AGAP1: variants seen among roughly 807,000 people sequenced by gnomAD.
The protein encoded by AGAP1 is ArfGAP with GTPase domain, ankyrin repeat and PH domain 1, also known as arf-GAP with GTPase, ANK repeat and PH domain-containing protein 1.
A neutral mutation model predicts 105.3 loss-of-function variants in AGAP1; 29 were observed. That is an observed-to-expected ratio of 0.28 (90% CI 0.21 to 0.38). The LOEUF (loss-of-function observed/expected upper bound fraction) is 0.38, where lower values mean the gene tolerates loss of function less well. AGAP1 is among the 10% of genes least tolerant of loss of function. AGAP1 has a pLI of 1.00. For missense variants in AGAP1, 998 were observed against 1,165.1 expected, an observed-to-expected ratio of 0.86 and a Z score of 2.09; for synonymous variants, 509 against 485.9, an observed-to-expected ratio of 1.05 and a Z score of -0.63.
rs1354864085 is a variant in AGAP1 at position 236,078,541 on chromosome 2, C to G, written c.2114+29260C>G. Among the ~76,000 whole-genome samples the G allele has an allele frequency of 6.6e-6, 1 of 152,186 alleles. No homozygotes were observed. Among genetic ancestry groups the G allele is most frequent in the East Asian group, 1.9e-4 (1 of 5,190 alleles). On this transcript the variant is annotated intron_variant, in intron 16 of 17. Transcript: ENST00000304032. This position sits in a 1 kb window ranked among gnomAD's most constrained non-coding sequence, Gnocchi z 5.3. ...CCTTCCCAGCAAAAGCCGCACGCTGCTTCTCCCAGAGGGGTGGGGTGCATT... is the reference window on the plus strand; with the variant it reads ...CCTTCCCAGCAAAAGCCGCACGCTGGTTCTCCCAGAGGGGTGGGGTGCATT...
intron 13 of AGAP1, among the ~76,000 whole-genome samples, chr2:236,004,863 A>G (rs79329082): frequency 0.011 from 1,672 of 152,286 alleles, 29 homozygotes; most frequent in African/African-American, 0.037. Context: ...TGACGAGATA[A>G]TAGTTTTCTC....
chr2:235,798,242 G>A (rs996063946), intron 7 of AGAP1, among the ~76,000 whole-genome samples: 3 of 152,038 alleles, frequency 2.0e-5, no homozygotes, highest in African/African-American at 4.8e-5. Context: ...GGCCAATCTC[G>A]CTTTATACTT....
intron 12 of AGAP1, among the ~76,000 whole-genome samples, chr2:235,935,020 TC>T (rs2052921159): frequency 6.6e-6 from 1 of 152,094 alleles, no homozygotes; most frequent in Non-Finnish European, 1.5e-5. Context: ...TTAGATAGAT[TC>T]CTTTGTAGGG....
intron 16 of AGAP1, among the ~76,000 whole-genome samples, chr2:236,102,610 GAAAGA>G (rs2059384716): frequency 1.3e-5 from 2 of 150,486 alleles, no homozygotes; most frequent in Non-Finnish European, 3.0e-5. Flanking sequence ...AAGAAAGAAA[GAAAGA>G]AAACTTCCTT....
At position 235,501,951 on chromosome 2, in the gene AGAP1, C is replaced by T. The variant is rs551420869; in HGVS notation, c.163+7102C>T. On this transcript the variant is annotated intron_variant, in intron 1 of 17. Coordinates refer to ENST00000304032, the MANE Select transcript of AGAP1 (RefSeq NM_001037131.3). ...ACCTTTCTCCGAGAAACAAAATGCA[C>T]TCTACAGATGTTAATCTCTAATCTT... Among the ~76,000 whole-genome samples, 14 of 152,304 alleles carry T rather than the reference C, an allele frequency of 9.2e-5. No homozygotes were observed. The East Asian group carries it at 2.7e-3, about 29-fold the overall frequency.
chr2:235,702,448 G>A (rs1269965914), intron 1 of AGAP1, among the ~76,000 whole-genome samples: 1 of 152,200 alleles, frequency 6.6e-6, no homozygotes, highest in African/African-American at 2.4e-5. Flanking sequence ...TGCAGCCTGG[G>A]AAGGTGGGGC....
At chr2:235,913,605 G>A (rs2051728459) in intron 11 of AGAP1, among the ~76,000 whole-genome samples, 1 of 152,090 alleles carries the variant, frequency 6.6e-6, no homozygotes, top group Non-Finnish European at 1.5e-5. Flanking sequence ...TTAGATGTAT[G>A]ACTCCGTTTG....
rs191597678 is a variant in AGAP1 at position 235,745,964 on chromosome 2, A to G, written c.538+1125A>G. Among the ~76,000 whole-genome samples the G allele has an allele frequency of 2.4e-3, 358 of 152,260 alleles. 1 individual carries two copies. Among genetic ancestry groups the G allele is most frequent in the African/African-American group, 8.1e-3 (338 of 41,572 alleles). ...CACATGGTGAAACCCTGTCTGTACTAAAAATAGAAAAATTAGCCAGGCATG... is the reference window on the plus strand; with the variant it reads ...CACATGGTGAAACCCTGTCTGTACTGAAAATAGAAAAATTAGCCAGGCATG... On this transcript the variant is annotated intron_variant, in intron 5 of 17. Transcript: ENST00000304032.
Position 235,981,307 on chromosome 2 carries a change from T to C in AGAP1, c.1645+12684T>C, listed in dbSNP as rs534990514. Among the ~76,000 whole-genome samples the C allele has an allele frequency of 1.0e-3, 153 of 152,280 alleles. 3 individuals are homozygous for C. The South Asian group carries it at 0.03, about 30-fold the overall frequency. ...CTTTGTTCTTTGGCTTGATTATTCA[T>C]TTGGGTCTTTCTTGCTTTCTTCAGG... is the stretch of plus-strand genomic sequence containing the variant. On this transcript the variant is annotated intron_variant, in intron 13 of 17. Coordinates refer to ENST00000304032, the MANE Select transcript of AGAP1 (RefSeq NM_001037131.3). The surrounding 1 kb of genome is among the most constrained non-coding windows in gnomAD (Gnocchi z 5.5).
intron 1 of AGAP1, among the ~76,000 whole-genome samples, chr2:235,604,071 C>T (rs537506548): frequency 1.5e-5 from 2 of 137,546 alleles, no homozygotes; most frequent in African/African-American, 5.8e-5. Flanking sequence ...AGTTTATTTG[C>T]TCATTTTTTT....
At chr2:235,987,882 A>G (rs1156420381) in intron 13 of AGAP1, among the ~76,000 whole-genome samples, 1 of 152,178 alleles carries the variant, frequency 6.6e-6, no homozygotes, top group Non-Finnish European at 1.5e-5. Context: ...CATGCGTAAT[A>G]CGGAATTAAA....
In AGAP1 at chr2:235,702,110, C is replaced by T. The variant is rs190367153; in HGVS notation, c.164-7069C>T. Among the ~76,000 whole-genome samples, 288 of 152,014 alleles carry T rather than the reference C, an allele frequency of 1.9e-3. 3 individuals carry two copies. Among genetic ancestry groups the T allele is most frequent in the African/African-American group, 6.7e-3 (277 of 41,436 alleles). On this transcript the variant is annotated intron_variant, in intron 1 of 17. Coordinates refer to ENST00000304032, the MANE Select transcript of AGAP1 (RefSeq NM_001037131.3). The stretch of plus-strand genomic sequence containing the variant: ...AATTTCACGAGTTTTGTCTGGAATG[C>T]GTATTTGTGGTTCCTGGAGCCAAAC...
rs968389904 is a variant in AGAP1 at position 235,692,163 on chromosome 2, C to T, written c.164-17016C>T. ...TGCGTTATGTATCCATAAGCCAAAG[C>T]CGGGGGCTCCCTGGCAGATGCCCCT... On this transcript the variant is annotated intron_variant, in intron 1 of 17. Transcript: ENST00000304032. The surrounding 1 kb of genome is among the most constrained non-coding windows in gnomAD (Gnocchi z 5.8). Among the ~76,000 whole-genome samples the T allele has an allele frequency of 6.6e-6, 1 of 152,142 alleles. No homozygotes were observed. The highest frequency in any genetic ancestry group is 2.4e-5 in the African/African-American group (1 of 41,414).
chr2:235,496,828 T>G (rs957477999), intron 1 of AGAP1, among the ~76,000 whole-genome samples: 6 of 152,132 alleles, frequency 3.9e-5, no homozygotes, highest in African/African-American at 9.6e-5. Flanking sequence ...ACCTTTGCGA[T>G]TTGAGATTTT....
intron 6 of AGAP1, chr2:235,775,735 C>CTTTACT (rs1236788337): frequency 6.6e-6 from 1 of 152,140 alleles, no homozygotes; most frequent in Non-Finnish European, 1.5e-5. Flanking sequence ...ATGGAAGAGC[C>CTTTACT]TTTACTTTGT....
chr2:235,934,810 T>C lies in AGAP1; in HGVS notation c.1483+3887T>C, dbSNP rs777986665. On this transcript the variant is annotated intron_variant, in intron 12 of 17. Transcript: ENST00000304032. The surrounding 1 kb of genome is among the most constrained non-coding windows in gnomAD (Gnocchi z 4.9). The stretch of plus-strand genomic sequence containing the variant: ...AGCTTTGGAATACAGACGCCCGTGT[T>C]GGCAAGTGTGCCTTCCCATTGTTGT... 2.6e-5 allele frequency among the ~76,000 whole-genome samples: 4 copies of C among 152,202 alleles called. No homozygotes were observed. Among genetic ancestry groups the C allele is most frequent in the Non-Finnish European group, 5.9e-5 (4 of 68,040 alleles).
rs556203059 is a variant in AGAP1 at position 235,611,689 on chromosome 2, A to C, written c.164-97490A>C. Among the ~76,000 whole-genome samples the C allele has an allele frequency of 1.3e-5, 2 of 152,246 alleles. No individual in the cohort carries two copies. Among genetic ancestry groups the C allele is most frequent in the African/African-American group, 4.8e-5 (2 of 41,464 alleles). On this transcript the variant is annotated intron_variant, in intron 1 of 17. Coordinates refer to ENST00000304032, the MANE Select transcript of AGAP1 (RefSeq NM_001037131.3). This position sits in a 1 kb window ranked among gnomAD's most constrained non-coding sequence, Gnocchi z 5.0. ...GTAAACCAGTTGTGAGGAACATTGT[A>C]TAGAGAAAAAACAACCTTGAGTTTC...
intron 1 of AGAP1, among the ~76,000 whole-genome samples, chr2:235,607,985 T>C (rs965745812): frequency 1.3e-5 from 2 of 152,346 alleles, no homozygotes; most frequent in Middle Eastern, 3.4e-3. Flanking sequence ...TGGAAGTGCC[T>C]CAAGTGAGCG....
At position 235,608,042 on chromosome 2, in the gene AGAP1, CT is replaced by C. The variant is rs966135208; in HGVS notation, c.164-101136del. Among the ~76,000 whole-genome samples, 1 of 152,206 alleles carries C rather than the reference CT, an allele frequency of 6.6e-6. No individual in the cohort carries two copies. Among genetic ancestry groups the C allele is most frequent in the African/African-American group, 2.4e-5 (1 of 41,450 alleles). On this transcript the variant is annotated intron_variant, in intron 1 of 17. Coordinates refer to ENST00000304032, the MANE Select transcript of AGAP1 (RefSeq NM_001037131.3). This position sits in a 1 kb window ranked among gnomAD's most constrained non-coding sequence, Gnocchi z 5.4. ...GAGGTGGATGCTGAAGAGATTACCCCTGACTTCATAGTCTGCCTGTCTCAGA... is the reference window on the plus strand; with the variant it reads ...GAGGTGGATGCTGAAGAGATTACCCCGACTTCATAGTCTGCCTGTCTCAGA...
Sources: allele counts gnomAD v4.1 joint callset (sites outside exome capture counted in the v4.1 genomes callset), GRCh38; gene constraint gnomAD v4.1.1; non-coding constraint Gnocchi (gnomAD v3.1); transcripts MANE v1.5; gene names NCBI Gene and HGNC (gene_info 2026-07-23, HGNC 2026-07-21).